The following SSBP3 variants were observed in gnomAD, a reference collection of about 807,000 sequenced individuals.
The protein encoded by SSBP3 is single-stranded DNA-binding protein 3.
Under a neutral mutation model 69.6 loss-of-function variants are expected in SSBP3, and 5 were observed. That is an observed-to-expected ratio of 0.07 (90% CI 0.04 to 0.15). The LOEUF (loss-of-function observed/expected upper bound fraction) is 0.15. Among genes scored for constraint, SSBP3 ranks in the 10% least tolerant of loss-of-function variants. The pLI is 1.00. For missense variants in SSBP3, 312 were observed against 534.0 expected (o/e 0.58, Z 4.10); for synonymous variants, 196 against 193.4 (o/e 1.01, Z -0.11).
intron 4 of SSBP3, among the ~76,000 whole-genome samples, chr1:54,286,178 T>C (rs112492042): frequency 1.3e-5 from 2 of 152,094 alleles, no homozygotes; most frequent in Non-Finnish European, 2.9e-5. Flanking sequence ...TGGGTGACAT[T>C]GGGTTCTAAC....
At chr1:54,372,783 C>A (rs773307748) in intron 4 of SSBP3, among the ~76,000 whole-genome samples, 5 of 152,158 alleles carry the variant, frequency 3.3e-5, no homozygotes, top group Non-Finnish European at 5.9e-5. Flanking sequence ...TGTACCCTGT[C>A]CCCTCTTTTA....
intron 1 of SSBP3, 115 bp downstream of exon 1, chr1:54,405,838 G>A (rs1413105332): frequency 6.1e-6 from 4 of 654,084 alleles, no homozygotes; most frequent in African/African-American, 2.0e-5. Context: ...CCTGGACCCG[G>A]GGACCCGAGG....
intron 4 of SSBP3, among the ~76,000 whole-genome samples, chr1:54,359,098 C>T (rs1646912526): frequency 6.6e-6 from 1 of 151,610 alleles, no homozygotes; most frequent in Admixed American, 6.6e-5. Context: ...AGGGAGATGC[C>T]TTCCAAAACA....
At chr1:54,366,062 CATT>C (rs1309262730) in intron 4 of SSBP3, among the ~76,000 whole-genome samples, 1 of 152,184 alleles carries the variant, frequency 6.6e-6, no homozygotes, top group Non-Finnish European at 1.5e-5. Context: ...GAATTAGTAT[CATT>C]AAGGTCCCCA....
At position 54,387,317 on chromosome 1, in the gene SSBP3, T is replaced by C. The variant is rs570042655; in HGVS notation, c.276+14544A>G. Among the ~76,000 whole-genome samples, 8 of 152,190 alleles carry C rather than the reference T, an allele frequency of 5.3e-5. No homozygotes were observed. In the South Asian group the frequency reaches 1.5e-3, roughly 28 times the overall value. The stretch of plus-strand genomic sequence containing the variant: ...GACTGCTTAAAGCTGAAATCCAACC[T>C]CTCCTTGACAGCAAAAACGAAGCTG... On this transcript the variant is annotated intron_variant, in intron 4 of 17. Coordinates refer to ENST00000610401, the Ensembl canonical transcript of SSBP3.
At chr1:54,287,457 T>G (rs938896144) in intron 4 of SSBP3, 1 of 152,268 alleles carries the variant, frequency 6.6e-6, no homozygotes, top group Non-Finnish European at 1.5e-5. Flanking sequence ...TGGAGCCATG[T>G]GCTCAAAGCT....
chr1:54,354,853 C>T (rs1557558689), intron 4 of SSBP3, among the ~76,000 whole-genome samples: 1 of 152,206 alleles, frequency 6.6e-6, no homozygotes, highest in Admixed American at 6.5e-5. Flanking sequence ...GACTTCAGAA[C>T]ACATCATCTG....
At chr1:54,346,300 G>A (rs1452409769) in intron 4 of SSBP3, among the ~76,000 whole-genome samples, 1 of 151,686 alleles carries the variant, frequency 6.6e-6, no homozygotes, top group Non-Finnish European at 1.5e-5. Context: ...ACTCCAGCCT[G>A]GGTGACACAG....
intron 9 of SSBP3, among the ~76,000 whole-genome samples, chr1:54,244,663 C>T (rs568252431): frequency 5.3e-5 from 8 of 152,306 alleles, no homozygotes; most frequent in African/African-American, 1.7e-4. Context: ...TCGTATCACG[C>T]GCATCTCTTC....
intron 4 of SSBP3, chr1:54,285,558 T>C (rs1645473696): frequency 6.6e-6 from 1 of 152,206 alleles, no homozygotes; most frequent in African/African-American, 2.4e-5. Flanking sequence ...CAGGCTGGAA[T>C]GCAGTGGCCC....
chr1:54,336,523 GC>G (rs1646510278), intron 4 of SSBP3, among the ~76,000 whole-genome samples: 2 of 152,184 alleles, frequency 1.3e-5, no homozygotes, highest in South Asian at 4.1e-4. Context: ...AGCCCACGGA[GC>G]CAATGGGCTC....
At chr1:54,338,659 T>C (rs143569821) in intron 4 of SSBP3, among the ~76,000 whole-genome samples, 1 of 152,358 alleles carries the variant, frequency 6.6e-6, no homozygotes, top group African/African-American at 2.4e-5. Context: ...GAGTTCTCTC[T>C]TCCCAGCCGA....
rs11206324 is a variant in SSBP3, at chr1:54,298,555, C to T, written c.277-17028G>A. Reference sequence around the variant, plus strand: ...GAGAAAGCTGCCCTTCTAGGCAGAGCGTGGGACTCACAATTACCTCTCCAA... The same window carrying T: ...GAGAAAGCTGCCCTTCTAGGCAGAGTGTGGGACTCACAATTACCTCTCCAA... On this transcript the variant is annotated intron_variant, in intron 4 of 17. Transcript: ENST00000610401. 5.8e-3 allele frequency among the ~76,000 whole-genome samples: 881 copies of T among 152,302 alleles called. 9 individuals carry two copies. The highest frequency in any genetic ancestry group is 0.02 in the African/African-American group (838 of 41,564).
At chr1:54,389,445 T>C (rs1267803458) in intron 4 of SSBP3, among the ~76,000 whole-genome samples, 1 of 151,968 alleles carries the variant, frequency 6.6e-6, no homozygotes, top group Non-Finnish European at 1.5e-5. Context: ...TCAGGAACCC[T>C]ATGAGCCCAG....
chr1:54,356,622 CGCCGTCT>C (rs1646871253), intron 4 of SSBP3: 1 of 152,186 alleles, frequency 6.6e-6, no homozygotes, highest in African/African-American at 2.4e-5. Flanking sequence ...GTCTGATGGG[CGCCGTCT>C]GCCAAACAAG....
intron 4 of SSBP3, among the ~76,000 whole-genome samples, chr1:54,330,381 G>A (rs11206334): frequency 0.29 from 43,985 of 152,042 alleles, 9,387 homozygotes; most frequent in African/African-American, 0.58. Context: ...ACTGTGCCCA[G>A]GGAGTCACCT....
chr1:54,240,866 C>T (rs1173918595), intron 13 of SSBP3, 39 bp downstream of exon 13: 1 of 1,612,960 alleles, frequency 6.2e-7, no homozygotes, highest in Non-Finnish European at 8.5e-7. Context: ...CCCCACCCTC[C>T]ACCACCAGAC....
Position 54,227,180 on chromosome 1 carries a change from A to AG in SSBP3, c.1138-21_1138-20insC, listed in dbSNP as rs1553120669. 25 of 354,610 alleles carry AG rather than the reference A, an allele frequency of 7.1e-5. No individual in the cohort carries two copies. Among genetic ancestry groups the AG allele is most frequent in the African/African-American group, 4.7e-4 (7 of 14,928 alleles). The allele number at this position is 354,610 out of a possible 1,614,324, so 22.0% of individuals were successfully genotyped here. A position where few individuals can be genotyped will look rare whatever the true frequency, so the allele number is the denominator to read the frequency against. On this transcript the variant is annotated intron_variant, in intron 17 of 17. Transcript: ENST00000610401. ...AGAATACTGGAAAGGAGAAGCAGAG[A>AG]AGGGGGGGGGGTGAGGATTGTGGGG...
At chr1:54,342,034 T>C (rs192613984) in intron 4 of SSBP3, among the ~76,000 whole-genome samples, 2 of 152,352 alleles carry the variant, frequency 1.3e-5, no homozygotes, top group African/African-American at 4.8e-5. Context: ...AAATGCGGAC[T>C]GACACCACAC....
Sources: gnomAD v4.1 joint callset for allele counts (sites outside exome capture counted in the v4.1 genomes callset) on GRCh38, gnomAD v4.1.1 for gene constraint, MANE v1.5 for transcripts, NCBI Gene and HGNC (gene_info 2026-07-23, HGNC 2026-07-21) for gene names.